The following RPL12 variants were observed in gnomAD, a reference collection of about 807,000 sequenced individuals.
The protein encoded by RPL12 is large ribosomal subunit protein uL11.
In RPL12, 10 loss-of-function variants were observed where a neutral mutation model predicts 24.5. The observed-to-expected ratio is 0.41, with a 90% CI of 0.25 to 0.69. RPL12 has a LOEUF of 0.69. Among genes scored for constraint, RPL12 ranks in the 30% least tolerant of loss-of-function variants. RPL12 has a pLI of 0.33. For missense variants in RPL12, 137 were observed against 205.3 expected, an observed-to-expected ratio of 0.67 and a Z score of 2.03; for synonymous variants, 74 against 76.1, an observed-to-expected ratio of 0.97 and a Z score of 0.14.
intron 3 of RPL12, 100 bp downstream of exon 3, chr9:127,449,510 C>G: frequency 7.6e-7 from 1 of 1,321,032 alleles, no homozygotes; most frequent in Non-Finnish European, 1.1e-6. Context: ...TGAAATCACT[C>G]TCGGCTCACC....
chr9:127,449,514 G>T, intron 3 of RPL12, 96 bp downstream of exon 3: 1 of 1,328,372 alleles, frequency 7.5e-7, no homozygotes, highest in Non-Finnish European at 1.1e-6. Flanking sequence ...ATCACTCTCG[G>T]CTCACCACTG....
Position 127,449,724 on chromosome 9 carries a change from T to C in RPL12, c.112-16A>G, listed in dbSNP as rs758682465. 2 of 1,598,196 alleles carry C rather than the reference T, an allele frequency of 1.3e-6. No individual in the cohort carries two copies. Among genetic ancestry groups the C allele is most frequent in the East Asian group, 2.2e-5 (1 of 44,850 alleles). ...TTTTTGGAGACTAGAAATAAAGGCA[T>C]GTAATCAACATGGTGTCCAGAGGTG... On this transcript the variant is annotated splice_polypyrimidine_tract_variant and intron_variant, in intron 2 of 6. Transcript: ENST00000361436.
At chr9:127,448,025 G>A in intron 5 of RPL12, 36 bp from the exon 6 acceptor site, 1 of 1,574,828 alleles carries the variant, frequency 6.3e-7, no homozygotes, top group South Asian at 1.2e-5. Flanking sequence ...GGAGGTGCTG[G>A]CTCAGTCCCT....
chr9:127,447,737 G>T lies in RPL12; in HGVS notation c.493-11C>A, dbSNP rs1834196662. 1 of 1,560,868 alleles carries T rather than the reference G, an allele frequency of 6.4e-7. No homozygotes were observed. The highest frequency in any genetic ancestry group is 8.7e-7 in the Non-Finnish European group (1 of 1,144,108). ...CCTTTGTGCTTAACTCTGTGGGAAA[G>T]AAAAAAAAAATCAGTAAAAAGTTTA... On this transcript the variant is annotated splice_polypyrimidine_tract_variant and intron_variant, in intron 6 of 6. Coordinates refer to ENST00000361436, the MANE Select transcript of RPL12 (RefSeq NM_000976.4).
rs780555907 is a variant in RPL12 at position 127,451,252 on chromosome 9, G to A, written c.37+29C>T. The A allele has an allele frequency of 4.3e-6, 7 of 1,610,290 alleles. No individual in the cohort carries two copies. The African/African-American group carries it at 8.0e-5, about 18-fold the overall frequency. ...GCAGGGCCGAGGGATGCTCCATCCCGCAGCCCCGGCCACAACCAGAGCACG... is the reference window on the plus strand; with the variant it reads ...GCAGGGCCGAGGGATGCTCCATCCCACAGCCCCGGCCACAACCAGAGCACG... On this transcript the variant is annotated intron_variant, in intron 1 of 6. Transcript: ENST00000361436.
rs1403727482 is a variant in RPL12, at chr9:127,450,913, C to CACA, written c.38-112_38-110dup. The stretch of plus-strand genomic sequence containing the variant: ...CACCCTCTGCCTCTTCTCGAAACAG[C>CACA]ACAGAGCGCGAGGCGGGCCACCCGC... On this transcript the variant is annotated intron_variant, in intron 1 of 6. Coordinates refer to ENST00000361436, the MANE Select transcript of RPL12 (RefSeq NM_000976.4). 1.2e-5 allele frequency: 11 copies of CACA among 883,488 alleles called. No individual in the cohort carries two copies. In the African/African-American group the frequency reaches 1.4e-4, roughly 11 times the overall value. The allele number at this position is 883,488 out of a possible 1,614,324, so 54.7% of individuals were successfully genotyped here.
chr9:127,448,664 G>T (rs958246068), intron 4 of RPL12: 3 of 731,334 alleles, frequency 4.1e-6, no homozygotes, highest in African/African-American at 3.4e-5. Context: ...TCACAAATCT[G>T]ACATGGCAGA....
chr9:127,449,275 A>C lies in RPL12; in HGVS notation c.292+6T>G. ...CCAAAACCAAACTAGGGAAAAGACA[A>C]CTTACTGTTTTTCTGTTTCTTTCTG... On this transcript the variant is annotated splice_donor_region_variant and intron_variant, in intron 4 of 6. Transcript: ENST00000361436. 2 of 1,611,334 alleles carry C rather than the reference A, an allele frequency of 1.2e-6. No homozygotes were observed. Among genetic ancestry groups the C allele is most frequent in the African/African-American group, 1.3e-5 (1 of 74,856 alleles).
chr9:127,451,150 G>C, intron 1 of RPL12, 131 bp downstream of exon 1: 2 of 1,257,148 alleles, frequency 1.6e-6, no homozygotes, highest in Non-Finnish European at 2.2e-6. Context: ...GGCTTGGCCG[G>C]GGCGGCGCAA....
intron 6 of RPL12, 26 bp from the exon 7 acceptor site, chr9:127,447,752 TAA>T (rs757842171): frequency 3.1e-6 from 5 of 1,612,732 alleles, no homozygotes; most frequent in Non-Finnish European, 4.2e-6. Context: ...AAAAAATCAG[TAA>T]AAAGTTTAAA....
At chr9:127,448,523 CA>C (rs1267003833) in intron 4 of RPL12, 100 bp from the exon 5 acceptor site, 2 of 838,468 alleles carry the variant, frequency 2.4e-6, no homozygotes, top group Non-Finnish European at 4.2e-6. Flanking sequence ...GCTTTCGGCA[CA>C]GAGTCATCCA....
intron 3 of RPL12, 45 bp downstream of exon 3, chr9:127,449,565 C>G: frequency 6.5e-7 from 1 of 1,529,926 alleles, no homozygotes; most frequent in Non-Finnish European, 9.1e-7. Flanking sequence ...GGGTTGCTAC[C>G]TGTCCCCCCA....
intron 2 of RPL12, 95 bp from the exon 3 acceptor site, chr9:127,449,803 A>C (rs1396203044): frequency 2.1e-6 from 2 of 932,286 alleles, no homozygotes; most frequent in Admixed American, 1.8e-5. Context: ...AAAGGAAGCT[A>C]TCTCAAGTAC....
intron 4 of RPL12, 158 bp downstream of exon 4, chr9:127,449,123 G>A (rs900989955): frequency 5.0e-6 from 3 of 595,326 alleles, no homozygotes; most frequent in Non-Finnish European, 9.0e-6. Flanking sequence ...CCCAGCATAC[G>A]TGGCACTTTT....
At chr9:127,449,245 C>T (rs1168313255) in intron 4 of RPL12, 36 bp downstream of exon 4, 1 of 1,566,866 alleles carries the variant, frequency 6.4e-7, no homozygotes, top group Admixed American at 1.7e-5. Context: ...TCTCACAAAC[C>T]ATTACCAAAA....
intron 2 of RPL12, chr9:127,450,528 G>A: frequency 1.9e-6 from 1 of 538,024 alleles, no homozygotes; most frequent in South Asian, 2.7e-5. Flanking sequence ...GAGACACATG[G>A]AGCTAATTAC....
At chr9:127,449,120 T>A in intron 4 of RPL12, 161 bp downstream of exon 4, 1 of 589,452 alleles carries the variant, frequency 1.7e-6, no homozygotes, top group Non-Finnish European at 3.0e-6. Flanking sequence ...CCACCCAGCA[T>A]ACGTGGCACT....
chr9:127,447,715 T>C lies in RPL12; in HGVS notation c.*6A>G. The C allele has an allele frequency of 6.2e-7, 1 of 1,613,812 alleles. No individual in the cohort carries two copies. Among genetic ancestry groups the C allele is most frequent in the Non-Finnish European group, 8.5e-7 (1 of 1,179,906 alleles). ...TGATCCTTTATTGAAATGTTTTCCT[T>C]TGTGCTTAACTCTGTGGGAAAGAAA... On this transcript the variant is annotated 3_prime_UTR_variant, in exon 7 of 7. Transcript: ENST00000361436.
At chr9:127,450,175 A>G (rs976393346) in intron 2 of RPL12, 11 of 176,644 alleles carry the variant, frequency 6.2e-5, no homozygotes, top group Admixed American at 2.3e-4. Flanking sequence ...AGGTTAAAAA[A>G]GACCAATGGG....
Sources: allele counts gnomAD v4.1 joint callset, GRCh38; gene constraint gnomAD v4.1.1; transcripts MANE v1.5; gene names NCBI Gene and HGNC (gene_info 2026-07-23, HGNC 2026-07-21).